Variants in DOK6 observed in about 807,000 individuals in gnomAD.
The protein encoded by DOK6 is downstream of tyrosine kinase 6.
Under a neutral mutation model 44.0 loss-of-function variants are expected in DOK6, and 22 were observed. The observed-to-expected ratio is 0.50, with a 90% CI of 0.36 to 0.71. DOK6 has a LOEUF of 0.71. Among genes scored for constraint, DOK6 ranks in the 30% least tolerant of loss-of-function variants. The pLI is 0.00. For synonymous variants in DOK6, 166 were observed against 145.5 expected (o/e 1.14, Z -1.01); for missense variants, 340 against 416.4 (o/e 0.82, Z 1.60).
At chr18:69,508,249 T>C (rs112884249) in intron 1 of DOK6, among the ~76,000 whole-genome samples, 2,272 of 152,304 alleles carry the variant, frequency 0.015, 68 homozygotes, top group African/African-American at 0.052. Context: ...ATGTTGTTGG[T>C]AATCTTTGCT....
intron 7 of DOK6, among the ~76,000 whole-genome samples, chr18:69,828,857 C>A (rs1981815987): frequency 1.8e-5 from 1 of 56,216 alleles, no homozygotes. Flanking sequence ...GATGAAAGTC[C>A]CATTATTAAT....
chr18:69,535,170 C>T lies in DOK6; in HGVS notation c.67-29317C>T, dbSNP rs577967363. Among the ~76,000 whole-genome samples, 10 of 152,134 alleles carry T rather than the reference C, an allele frequency of 6.6e-5. No individual in the cohort carries two copies. The East Asian group carries it at 1.2e-3, about 18-fold the overall frequency. ...TATGAGGGGAACGAATGTGAATCAC[C>T]GTACGTTGTGCATGTATCTCTTCAT... On this transcript the variant is annotated intron_variant, in intron 1 of 7. Coordinates refer to ENST00000382713, the MANE Select transcript of DOK6 (RefSeq NM_152721.6).
At chr18:69,693,977 T>C (rs916389285) in intron 4 of DOK6, among the ~76,000 whole-genome samples, 3 of 136,510 alleles carry the variant, frequency 2.2e-5, no homozygotes, top group South Asian at 2.3e-4. Context: ...GAGAATGGCG[T>C]GAACCCGGGA....
At chr18:69,763,032 T>A (rs1356319239) in intron 7 of DOK6, among the ~76,000 whole-genome samples, 2 of 152,180 alleles carry the variant, frequency 1.3e-5, no homozygotes, top group Non-Finnish European at 2.9e-5. Flanking sequence ...AATAAGAATC[T>A]CCAATACAAT....
intron 7 of DOK6, among the ~76,000 whole-genome samples, chr18:69,766,702 GTC>G (rs1214449522): frequency 1.3e-5 from 2 of 152,100 alleles, no homozygotes; most frequent in African/African-American, 2.4e-5. Context: ...TGGTCTTGCT[GTC>G]TCAGGAGTGG....
chr18:69,772,053 C>T (rs1177202088), intron 7 of DOK6, among the ~76,000 whole-genome samples: 1 of 150,976 alleles, frequency 6.6e-6, no homozygotes, highest in African/African-American at 2.4e-5. Context: ...CACCTTTAGT[C>T]CCAGATACTC....
chr18:69,699,630 C>T (rs1986467090), intron 5 of DOK6, among the ~76,000 whole-genome samples: 1 of 152,108 alleles, frequency 6.6e-6, no homozygotes, highest in South Asian at 2.1e-4. Context: ...CTATTTCTGT[C>T]TACCTAGATA....
intron 1 of DOK6, among the ~76,000 whole-genome samples, chr18:69,403,321 C>T (rs1344602610): frequency 1.3e-5 from 2 of 152,156 alleles, no homozygotes; most frequent in Non-Finnish European, 2.9e-5. Flanking sequence ...CCAATTATAA[C>T]ATAGGGCCCA....
At chr18:69,782,358 C>T (rs1474707030) in intron 7 of DOK6, among the ~76,000 whole-genome samples, 3 of 151,788 alleles carry the variant, frequency 2.0e-5, no homozygotes, top group South Asian at 2.1e-4. Context: ...ACTACAGGCA[C>T]CTGCCACCAT....
chr18:69,738,550 C>T (rs1425381626), intron 5 of DOK6, among the ~76,000 whole-genome samples: 1 of 152,052 alleles, frequency 6.6e-6, no homozygotes, highest in Non-Finnish European at 1.5e-5. Flanking sequence ...CCTGAATTGA[C>T]ATAAGAATTT....
intron 6 of DOK6, among the ~76,000 whole-genome samples, chr18:69,744,785 G>T (rs1978925097): frequency 6.6e-6 from 1 of 151,990 alleles, no homozygotes; most frequent in East Asian, 1.9e-4. Context: ...AGTTAGCTGG[G>T]CGTGGTGACG....
chr18:69,441,481 C>T lies in DOK6; in HGVS notation c.66+40171C>T, dbSNP rs548860401. On this transcript the variant is annotated intron_variant, in intron 1 of 7. Coordinates refer to ENST00000382713, the MANE Select transcript of DOK6 (RefSeq NM_152721.6). The stretch of plus-strand genomic sequence containing the variant: ...GTACATAACATCTGTTGTTACTCAA[C>T]TTAATATGAATTACTTATTTTGAAG... Among the ~76,000 whole-genome samples, 303 of 152,238 alleles carry T rather than the reference C, an allele frequency of 2.0e-3. 1 individual carries two copies. The highest frequency in any genetic ancestry group is 6.8e-3 in the African/African-American group (284 of 41,552).
intron 1 of DOK6, among the ~76,000 whole-genome samples, chr18:69,522,164 T>G (rs1981705393): frequency 2.6e-5 from 4 of 151,794 alleles, no homozygotes; most frequent in Admixed American, 2.0e-4. Flanking sequence ...TGTCTTTATG[T>G]TTGCGTGCCA....
intron 3 of DOK6, among the ~76,000 whole-genome samples, chr18:69,649,298 G>T (rs946790330): frequency 1.3e-5 from 2 of 152,150 alleles, no homozygotes; most frequent in African/African-American, 4.8e-5. Context: ...TACAATGAAA[G>T]CTTCCTTTCT....
chr18:69,841,251 G>A lies in DOK6; in HGVS notation c.864G>A (p.Gly288=). The change falls in exon 8 of 8, where the codon GGG becomes GGA. Residue 288 remains glycine, a synonymous_variant. Transcript: ENST00000382713. The part of the protein sequence containing the change: ...VGEIYSLQGH[G]FGSSKMSRAQ... ...TCCTTTCTTCCTCTCTAGGTCATGGGTTTGGTTCGTCAAAGATGTCTCGTG... is the reference window on the plus strand; with the variant it reads ...TCCTTTCTTCCTCTCTAGGTCATGGATTTGGTTCGTCAAAGATGTCTCGTG... 1 of 1,614,192 alleles carries A rather than the reference G, an allele frequency of 6.2e-7. No individual in the cohort carries two copies. Among genetic ancestry groups the A allele is most frequent in the Non-Finnish European group, 8.5e-7 (1 of 1,180,024 alleles).
At chr18:69,808,410 C>A (rs536949126) in intron 7 of DOK6, among the ~76,000 whole-genome samples, 5 of 140,264 alleles carry the variant, frequency 3.6e-5, no homozygotes, top group African/African-American at 1.2e-4. Context: ...CTAAAGTTAG[C>A]AGAAGGAAGG....
chr18:69,475,190 C>T (rs1980226595), intron 1 of DOK6, among the ~76,000 whole-genome samples: 1 of 151,992 alleles, frequency 6.6e-6, no homozygotes, highest in Non-Finnish European at 1.5e-5. Flanking sequence ...ACATATTCCA[C>T]CATATTGGAA....
At chr18:69,568,570 A>G (rs750189077) in intron 2 of DOK6, among the ~76,000 whole-genome samples, 2 of 152,160 alleles carry the variant, frequency 1.3e-5, no homozygotes, top group Non-Finnish European at 2.9e-5. Context: ...TGGCAATGGG[A>G]TGACTAAAAC....
intron 1 of DOK6, among the ~76,000 whole-genome samples, chr18:69,534,150 C>T (rs1271433535): frequency 6.6e-6 from 1 of 152,084 alleles, no homozygotes; most frequent in Non-Finnish European, 1.5e-5. Context: ...TAGTAACTTG[C>T]CTGTAGTCCC....
Sources: gnomAD v4.1 joint callset for allele counts (sites outside exome capture counted in the v4.1 genomes callset) on GRCh38, gnomAD v4.1.1 for gene constraint, MANE v1.5 for transcripts, NCBI Gene and HGNC (gene_info 2026-07-23, HGNC 2026-07-21) for gene names.